The following CTIF variants were observed in gnomAD, a reference collection of about 807,000 sequenced individuals.
CTIF encodes the protein cap binding complex dependent translation initiation factor.
In CTIF, 21 loss-of-function variants were observed where a neutral mutation model predicts 66.0. The observed-to-expected ratio is 0.32, with a 90% CI of 0.23 to 0.46. CTIF has a LOEUF of 0.46. Among genes scored for constraint, CTIF ranks in the 20% least tolerant of loss-of-function variants. CTIF has a pLI of 1.00. For missense variants in CTIF, 739 were observed against 812.7 expected (o/e 0.91, Z 1.10); for synonymous variants, 345 against 326.4 (o/e 1.06, Z -0.62).
chr18:48,859,699 G>A lies in CTIF; in HGVS notation c.*140G>A, dbSNP rs1189838981. On this transcript the variant is annotated 3_prime_UTR_variant, in exon 12 of 12. Transcript: ENST00000256413. ...GGCAGGCAGAGTCGGTGGCCAGTCT[G>A]GAGCCAGACGGGGAAGGGAGCAAAT... 3.9e-6 allele frequency: 3 copies of A among 775,464 alleles called. No homozygotes were observed. The highest frequency in any genetic ancestry group is 6.6e-6 in the Non-Finnish European group (3 of 451,820). The allele number at this position is 775,464 out of a possible 1,614,324, so 48.0% of individuals were successfully genotyped here.
At chr18:48,832,766 AGGAAACGCAAACACACTTGT>A (rs1373646278) in intron 10 of CTIF, among the ~76,000 whole-genome samples, 1 of 152,268 alleles carries the variant, frequency 6.6e-6, no homozygotes, top group Admixed American at 6.5e-5. Flanking sequence ...AGCCAGACTT[AGGAAACGCAAACACACTTGT>A]GGAAATGCAA....
chr18:48,763,566 T>G (rs1348145322), intron 9 of CTIF, among the ~76,000 whole-genome samples: 2 of 152,232 alleles, frequency 1.3e-5, no homozygotes, highest in African/African-American at 4.8e-5. Flanking sequence ...AGTTAAGAAC[T>G]ACTTGTGGGA....
At chr18:48,689,075 G>A (rs1397043347) in intron 6 of CTIF, among the ~76,000 whole-genome samples, 1 of 152,202 alleles carries the variant, frequency 6.6e-6, no homozygotes, top group African/African-American at 2.4e-5. Flanking sequence ...CGAAAGATGC[G>A]GTGGTGTTTG....
chr18:48,730,337 G>GAA (rs2092432521), intron 7 of CTIF, among the ~76,000 whole-genome samples: 17 of 100,556 alleles, frequency 1.7e-4, no homozygotes, highest in South Asian at 3.6e-4. Context: ...GGGCCCCTGC[G>GAA]GTGTGAGGGG....
At chr18:48,642,803 G>T (rs141232583) in intron 3 of CTIF, among the ~76,000 whole-genome samples, 66 of 152,256 alleles carry the variant, frequency 4.3e-4, no homozygotes, top group African/African-American at 1.2e-3. Flanking sequence ...AACAACCAGG[G>T]CACAGCTTGG....
At chr18:48,707,655 A>G (rs1188799372) in intron 6 of CTIF, among the ~76,000 whole-genome samples, 4 of 150,524 alleles carry the variant, frequency 2.7e-5, no homozygotes, top group Non-Finnish European at 4.4e-5. Flanking sequence ...TCCTCTGAAC[A>G]CATGCCATTC....
At chr18:48,612,541 A>C (rs2090325937) in intron 1 of CTIF, among the ~76,000 whole-genome samples, 1 of 152,224 alleles carries the variant, frequency 6.6e-6, no homozygotes, top group Admixed American at 6.5e-5. Context: ...GCTGGAGAGC[A>C]ACCTGGGAGC....
intron 3 of CTIF, among the ~76,000 whole-genome samples, chr18:48,660,105 G>C (rs1267942491): frequency 7.2e-6 from 1 of 138,356 alleles, no homozygotes; most frequent in Admixed American, 7.4e-5. Flanking sequence ...CTCTCCCCAG[G>C]CTCCTCTGGG....
chr18:48,794,082 G>T (rs765330672), intron 9 of CTIF, among the ~76,000 whole-genome samples: 1 of 152,166 alleles, frequency 6.6e-6, no homozygotes, highest in Non-Finnish European at 1.5e-5. Context: ...TGGGTTTTCT[G>T]ACTAGTAGCC....
In CTIF at chr18:48,664,517, C is replaced by G; in HGVS notation, c.397C>G (p.Pro133Ala). The change falls in exon 5 of 12, where the codon CCC becomes GCC. Residue 133 changes from proline to alanine, a missense_variant. Pro to Ala is a conservative substitution (Grantham distance 27). This residue lies in a region of CTIF where 529 missense variants were observed against 520.3 expected (regional missense o/e 1.02). Coordinates refer to ENST00000256413, the MANE Select transcript of CTIF (RefSeq NM_014772.3). ...GTTCCACCGCAAAGTCCGACACACG[C>G]CCAAGCAGCCCCTGCCACACATCGA... ...TQFHRKVRHT[P>A]KQPLPHIDRE... 1 of 1,613,088 alleles carries G rather than the reference C, an allele frequency of 6.2e-7. No individual in the cohort carries two copies. Among genetic ancestry groups the G allele is most frequent in the African/African-American group, 1.3e-5 (1 of 75,062 alleles).
At chr18:48,685,749 T>C (rs2091830198) in intron 6 of CTIF, among the ~76,000 whole-genome samples, 1 of 152,000 alleles carries the variant, frequency 6.6e-6, no homozygotes, top group Non-Finnish European at 1.5e-5. Context: ...CGATCTCAAG[T>C]CACTGCAACC....
At chr18:48,852,896 C>T (rs761399976) in intron 10 of CTIF, among the ~76,000 whole-genome samples, 5 of 152,186 alleles carry the variant, frequency 3.3e-5, no homozygotes, top group Non-Finnish European at 7.3e-5. Context: ...TGTATTTCTA[C>T]AAGCACTCTA....
intron 9 of CTIF, among the ~76,000 whole-genome samples, chr18:48,789,777 G>A (rs1311307247): frequency 6.6e-6 from 1 of 152,190 alleles, no homozygotes; most frequent in East Asian, 1.9e-4. Flanking sequence ...AACAAAATTA[G>A]AAGTATAAAT....
chr18:48,717,380 A>G (rs941147326), intron 7 of CTIF, among the ~76,000 whole-genome samples: 14 of 151,750 alleles, frequency 9.2e-5, no homozygotes, highest in African/African-American at 3.2e-4. Context: ...CCTGGGCAAC[A>G]AGAGCGAAAA....
At chr18:48,666,321 T>A (rs904884617) in intron 5 of CTIF, among the ~76,000 whole-genome samples, 1 of 152,178 alleles carries the variant, frequency 6.6e-6, no homozygotes, top group African/African-American at 2.4e-5. Context: ...CTTGGCAACA[T>A]TGGTCCCATC....
intron 3 of CTIF, among the ~76,000 whole-genome samples, chr18:48,658,342 T>C (rs1240939592): frequency 2.0e-5 from 3 of 152,082 alleles, no homozygotes; most frequent in Admixed American, 6.6e-5. Flanking sequence ...ATAATATGCA[T>C]GTAGCATGTG....
Position 48,653,865 on chromosome 18 carries a change from G to A in CTIF, c.253-9887G>A, listed in dbSNP as rs533269583. ...ATCTTTGACAAACCTGACAAAAACA[G>A]GAAATGGGGAAAGGATTCCCTATTT... is the stretch of plus-strand genomic sequence containing the variant. On this transcript the variant is annotated intron_variant, in intron 3 of 11. Coordinates refer to ENST00000256413, the MANE Select transcript of CTIF (RefSeq NM_014772.3). Among the ~76,000 whole-genome samples, 30 of 152,134 alleles carry A rather than the reference G, an allele frequency of 2.0e-4. No homozygotes were observed. The South Asian group carries it at 4.2e-3, about 21-fold the overall frequency.
chr18:48,606,925 G>A (rs2090212129), intron 1 of CTIF, among the ~76,000 whole-genome samples: 2 of 152,154 alleles, frequency 1.3e-5, no homozygotes, highest in South Asian at 4.1e-4. Context: ...TAGCACAGGG[G>A]CCGGCACATA....
chr18:48,711,226 GAAGT>G (rs1490556176), intron 6 of CTIF, among the ~76,000 whole-genome samples: 1 of 152,216 alleles, frequency 6.6e-6, no homozygotes, highest in Non-Finnish European at 1.5e-5. Flanking sequence ...TGTGCTTAGA[GAAGT>G]AACTTGTCCT....
Sources: allele counts gnomAD v4.1 joint callset (sites outside exome capture counted in the v4.1 genomes callset), GRCh38; gene constraint gnomAD v4.1.1; regional missense constraint gnomAD v4.1.1; transcripts MANE v1.5; gene names NCBI Gene and HGNC (gene_info 2026-07-23, HGNC 2026-07-21).